COPG2: variants seen among roughly 807,000 people sequenced by gnomAD.
COPG2 encodes coat protein complex I subunit gamma 2, also known as coatomer subunit gamma-2.
Under a neutral mutation model 46.3 loss-of-function variants are expected in COPG2, and 37 were observed. That is an observed-to-expected ratio of 0.80 (90% CI 0.61 to 1.05). The LOEUF (loss-of-function observed/expected upper bound fraction) is 1.05, where lower values mean the gene tolerates loss of function less well. Among genes scored for constraint, COPG2 ranks in the 50% least tolerant of loss-of-function variants. COPG2 has a pLI of 0.00. For missense variants in COPG2, 427 were observed against 387.8 expected, an observed-to-expected ratio of 1.10 and a Z score of -0.85; for synonymous variants, 159 against 129.7, an observed-to-expected ratio of 1.23 and a Z score of -1.53.
At chr7:130,542,681 A>T (rs1793356201) in intron 20 of COPG2, among the ~76,000 whole-genome samples, 1 of 152,174 alleles carries the variant, frequency 6.6e-6, no homozygotes, top group Non-Finnish European at 1.5e-5. Context: ...TTACACTGGC[A>T]TACCACATGG....
intron 20 of COPG2, among the ~76,000 whole-genome samples, chr7:130,526,330 G>A (rs1799774340): frequency 6.6e-6 from 1 of 152,178 alleles, no homozygotes; most frequent in Non-Finnish European, 1.5e-5. Context: ...TCCCTATGGA[G>A]AAGAGATGAC....
At chr7:130,623,228 C>A (rs529423128) in intron 5 of COPG2, among the ~76,000 whole-genome samples, 1 of 152,276 alleles carries the variant, frequency 6.6e-6, no homozygotes, top group East Asian at 1.9e-4. Flanking sequence ...CTTTTCACAC[C>A]TGAAAAACAC....
At chr7:130,634,092 T>C (rs1016749116) in intron 5 of COPG2, among the ~76,000 whole-genome samples, 1 of 152,228 alleles carries the variant, frequency 6.6e-6, no homozygotes, top group Non-Finnish European at 1.5e-5. Context: ...TCTGTTTTGA[T>C]ACCAGTATCA....
chr7:130,668,740 T>C lies in COPG2; in HGVS notation c.-72A>G, dbSNP rs2116284985. The C allele has an allele frequency of 6.8e-7, 1 of 1,479,224 alleles. No individual in the cohort carries two copies. The highest frequency in any genetic ancestry group is 1.3e-5 in the South Asian group (1 of 77,674). The allele number at this position is 1,479,224 out of a possible 1,614,324, so 91.6% of individuals were successfully genotyped here. On this transcript the variant is annotated 5_prime_UTR_variant, in exon 1 of 24. Coordinates refer to ENST00000425248, the MANE Select transcript of COPG2 (RefSeq NM_012133.6). ...GCCGCAGCCGGCGAGCGGAAGAGGC[T>C]GCAGGAAGGCCGGCCCCGCGCTCTC... is the stretch of plus-strand genomic sequence containing the variant.
intron 20 of COPG2, chr7:130,508,898 G>A (rs1799548516): frequency 5.4e-6 from 3 of 551,824 alleles, no homozygotes; most frequent in Non-Finnish European, 9.8e-6. Context: ...GATAACATGG[G>A]CAGACTGTTT....
chr7:130,580,762 C>T (rs1554446988), intron 9 of COPG2, among the ~76,000 whole-genome samples: 1 of 127,216 alleles, frequency 7.9e-6, no homozygotes, highest in African/African-American at 3.5e-5. Flanking sequence ...TGGATAAATT[C>T]CTCGACACAT....
chr7:130,614,508 G>A (rs1794913103), intron 6 of COPG2, among the ~76,000 whole-genome samples: 1 of 152,136 alleles, frequency 6.6e-6, no homozygotes, highest in Non-Finnish European at 1.5e-5. Flanking sequence ...GGTAATGCCT[G>A]GCCTACCCTT....
At chr7:130,642,072 A>G (rs1554457403) in intron 5 of COPG2, among the ~76,000 whole-genome samples, 1 of 151,824 alleles carries the variant, frequency 6.6e-6, no homozygotes, top group African/African-American at 2.4e-5. Context: ...AATTCTCTCA[A>G]TTCTCAATTC....
At chr7:130,656,598 A>G (rs1015371731) in intron 4 of COPG2, among the ~76,000 whole-genome samples, 1 of 152,158 alleles carries the variant, frequency 6.6e-6, no homozygotes, top group Non-Finnish European at 1.5e-5. Context: ...GACAGCTGCA[A>G]TAGTGAACTC....
At chr7:130,569,234 A>G (rs921097450) in intron 9 of COPG2, among the ~76,000 whole-genome samples, 6 of 152,124 alleles carry the variant, frequency 3.9e-5, no homozygotes, top group Non-Finnish European at 8.8e-5. Flanking sequence ...CTGAAACAAC[A>G]ACAACAACAA....
At chr7:130,586,058 A>C (rs1443101500) in intron 9 of COPG2, among the ~76,000 whole-genome samples, 1 of 152,126 alleles carries the variant, frequency 6.6e-6, no homozygotes, top group Non-Finnish European at 1.5e-5. Flanking sequence ...AAAATCATGG[A>C]ACCAACCCAA....
chr7:130,513,304 AAAAAAT>A (rs1260251330), intron 20 of COPG2, among the ~76,000 whole-genome samples: 5 of 48,496 alleles, frequency 1.0e-4, no homozygotes, highest in African/African-American at 3.9e-4. Context: ...AAAAAAAAAA[AAAAAAT>A]ATATATATAT....
At chr7:130,537,577 T>A (rs1799893575) in intron 20 of COPG2, among the ~76,000 whole-genome samples, 1 of 150,506 alleles carries the variant, frequency 6.6e-6, no homozygotes. Flanking sequence ...GAGGGTGAGT[T>A]TGCAGCATAT....
rs78345985 is a variant in COPG2, at chr7:130,625,365, A to C, written c.324-8300T>G. ...AACAGATAGCTTTACTTCTTTGTTA[A>C]CTCATTCTTATGTTTCAACTTGGTT... On this transcript the variant is annotated intron_variant, in intron 5 of 23. Coordinates refer to ENST00000425248, the MANE Select transcript of COPG2 (RefSeq NM_012133.6). Among the ~76,000 whole-genome samples the C allele has an allele frequency of 9.7e-3, 1,482 of 152,214 alleles. 24 individuals are homozygous for C. Among genetic ancestry groups the C allele is most frequent in the African/African-American group, 0.034 (1,405 of 41,530 alleles).
chr7:130,538,323 G>T (rs1025488940), intron 20 of COPG2, among the ~76,000 whole-genome samples: 32,875 of 151,886 alleles, frequency 0.22, 3,941 homozygotes, highest in African/African-American at 0.3. Context: ...GGTCAGGGAA[G>T]TTGATGGGAA....
chr7:130,540,676 T>C (rs1799926786), intron 20 of COPG2, among the ~76,000 whole-genome samples: 1 of 151,710 alleles, frequency 6.6e-6, no homozygotes, highest in African/African-American at 2.4e-5. Flanking sequence ...ATGTGTTAAG[T>C]GGGAAGTTAA....
chr7:130,512,567 G>C (rs1799612918), intron 20 of COPG2, among the ~76,000 whole-genome samples: 1 of 151,996 alleles, frequency 6.6e-6, no homozygotes. Context: ...ATCACTTGAG[G>C]TCAGGAGTTT....
chr7:130,640,264 C>T (rs1302735495), intron 5 of COPG2, among the ~76,000 whole-genome samples: 2 of 141,566 alleles, frequency 1.4e-5, no homozygotes, highest in Admixed American at 1.6e-4. Flanking sequence ...CTGATTCAGT[C>T]TGCCCTTGGG....
intron 20 of COPG2, among the ~76,000 whole-genome samples, chr7:130,515,880 T>TA (rs1462916311): frequency 6.6e-6 from 1 of 152,040 alleles, no homozygotes; most frequent in Non-Finnish European, 1.5e-5. Context: ...GATTTTATGT[T>TA]AATCCAGTCA....
Sources: allele counts gnomAD v4.1 joint callset (sites outside exome capture counted in the v4.1 genomes callset), GRCh38; gene constraint gnomAD v4.1.1; transcripts MANE v1.5; gene names NCBI Gene and HGNC (gene_info 2026-07-23, HGNC 2026-07-21).